KIAA1671: variants seen among roughly 807,000 people sequenced by gnomAD.
KIAA1671 encodes uncharacterized protein KIAA1671.
A neutral mutation model predicts 131.2 loss-of-function variants in KIAA1671; 52 were observed. The ratio of observed to expected loss-of-function variants is 0.40; its 90% CI spans 0.32 to 0.50. KIAA1671 has a LOEUF of 0.50. Ranked by LOEUF, KIAA1671 falls within the 20% of genes least tolerant of loss-of-function variation. The probability of loss-of-function intolerance (pLI) is 0.73; values close to 1 mark genes in which losing one functional copy is unlikely to be tolerated. For synonymous variants in KIAA1671, 1,003 were observed against 961.6 expected (o/e 1.04, Z -0.80); for missense variants, 2,360 against 2,364.2 (o/e 1.00, Z 0.04).
At chr22:25,122,739 C>A (rs548974815) in intron 6 of KIAA1671, among the ~76,000 whole-genome samples, 1 of 152,132 alleles carries the variant, frequency 6.6e-6, no homozygotes, top group Non-Finnish European at 1.5e-5. Flanking sequence ...CTTTGGGAGG[C>A]CGAGGCGGGC....
intron 6 of KIAA1671, among the ~76,000 whole-genome samples, chr22:25,066,894 A>ATG (rs1671792900): frequency 1.3e-5 from 2 of 152,076 alleles, no homozygotes; most frequent in South Asian, 2.1e-4. Context: ...AGCATCTAAG[A>ATG]TGTGTGTGTG....
At position 25,040,805 on chromosome 22, in the gene KIAA1671, C is replaced by T. The variant is rs1926877981; in HGVS notation, c.3675C>T (p.Pro1225=). The T allele has an allele frequency of 1.3e-6, 2 of 1,551,592 alleles. No individual in the cohort carries two copies. The highest frequency in any genetic ancestry group is 1.7e-6 in the Non-Finnish European group (2 of 1,147,014). Residue 1225 remains proline, a synonymous_variant, in exon 5 of 13, where the codon CCC becomes CCT. Coordinates refer to ENST00000358431, the MANE Select transcript of KIAA1671 (RefSeq NM_001145206.2). ...GGGAGGCTCAGGAGAGGAGGAGTCC[C>T]ACCGTGGAGCCCAGTACGTTGCCTC... ...VPGEAQERRS[P]TVEPSTLPRE... is the part of the protein sequence containing the mutation.
chr22:25,048,421 A>T (rs1927360362), intron 5 of KIAA1671, among the ~76,000 whole-genome samples: 1 of 152,180 alleles, frequency 6.6e-6, no homozygotes, highest in Non-Finnish European at 1.5e-5. Context: ...AAAAAGAGCC[A>T]GGGGGTTAGG....
chr22:24,972,650 T>TTCCC (rs1323606053), intron 1 of KIAA1671, among the ~76,000 whole-genome samples: 1 of 145,874 alleles, frequency 6.9e-6, no homozygotes, highest in African/African-American at 2.7e-5. Context: ...CCCTCCCTCC[T>TTCCC]TCCCTCCCTC....
rs140235293 is a variant in KIAA1671 at position 25,004,086 on chromosome 22, G to A, written c.-207-21547G>A. Among the ~76,000 whole-genome samples the A allele has an allele frequency of 7.6e-3, 1,151 of 152,080 alleles. 21 individuals carry two copies. The highest frequency in any genetic ancestry group is 0.026 in the African/African-American group (1,081 of 41,484). On this transcript the variant is annotated intron_variant, in intron 1 of 12. Transcript: ENST00000358431. Reference sequence around the variant, plus strand: ...CCTGCCTCAGCCTCCCAAAGTGCTGGGAATACAGGCGTGAGCCACTGTGCC... The same window carrying A: ...CCTGCCTCAGCCTCCCAAAGTGCTGAGAATACAGGCGTGAGCCACTGTGCC...
intron 1 of KIAA1671, among the ~76,000 whole-genome samples, chr22:24,965,400 A>T (rs1922244839): frequency 6.6e-6 from 1 of 151,268 alleles, no homozygotes; most frequent in Non-Finnish European, 1.5e-5. Context: ...GGGTGACAAG[A>T]ATGAAACTCC....
At chr22:25,015,209 C>T in intron 1 of KIAA1671, 1 of 138,896 alleles carries the variant, frequency 7.2e-6, no homozygotes, top group East Asian at 2.1e-4. Flanking sequence ...CTGGGACACA[C>T]AGCAAGACCT....
At position 24,960,582 on chromosome 22, in the gene KIAA1671, T is replaced by C. The variant is rs193162162; in HGVS notation, c.-208+7810T>C. 2.9e-4 allele frequency among the ~76,000 whole-genome samples: 44 copies of C among 149,990 alleles called. 1 individual carries two copies. Among genetic ancestry groups the C allele is most frequent in the Admixed American group, 2.8e-3 (42 of 15,002 alleles). On this transcript the variant is annotated intron_variant, in intron 1 of 12. Coordinates refer to ENST00000358431, the MANE Select transcript of KIAA1671 (RefSeq NM_001145206.2). Reference sequence around the variant, plus strand: ...AAAAAAAAGAAAAAACTGAATAATTTCCAGTGCATGAGGTGCTATGAGCTT... The same window carrying C: ...AAAAAAAAGAAAAAACTGAATAATTCCCAGTGCATGAGGTGCTATGAGCTT...
At chr22:25,065,560 A>G (rs1409813636) in intron 6 of KIAA1671, among the ~76,000 whole-genome samples, 1 of 152,184 alleles carries the variant, frequency 6.6e-6, no homozygotes, top group African/African-American at 2.4e-5. Flanking sequence ...TTTCCCCCCA[A>G]AAAAGAAAAA....
rs1934764189 is a variant in KIAA1671, at chr22:25,194,487, G to A, written c.*2086G>A. 6.6e-6 allele frequency: 1 copy of A among 152,124 alleles called. No individual in the cohort carries two copies. Among genetic ancestry groups the A allele is most frequent in the Non-Finnish European group, 1.5e-5 (1 of 68,032 alleles). The allele number at this position is 152,124 out of a possible 1,614,324, so 9.4% of individuals were successfully genotyped here. The stretch of plus-strand genomic sequence containing the variant: ...CATCTCAAGCAGTAGGAAAGGACCT[G>A]CTCTTACATATATTGATGGTCCTCA... On this transcript the variant is annotated 3_prime_UTR_variant, in exon 13 of 13. Coordinates refer to ENST00000358431, the MANE Select transcript of KIAA1671 (RefSeq NM_001145206.2).
At chr22:25,164,234 A>C (rs574765799) in intron 6 of KIAA1671, among the ~76,000 whole-genome samples, 1 of 152,318 alleles carries the variant, frequency 6.6e-6, no homozygotes, top group Non-Finnish European at 1.5e-5. Flanking sequence ...GGTGGCAGGA[A>C]GGAGCACTGG....
At chr22:24,998,040 A>T (rs965945700) in intron 1 of KIAA1671, among the ~76,000 whole-genome samples, 1 of 152,220 alleles carries the variant, frequency 6.6e-6, no homozygotes, top group Admixed American at 6.5e-5. Context: ...TTGTTGCAGT[A>T]CAAATATTCT....
chr22:25,185,042 C>T lies in KIAA1671; in HGVS notation c.5265C>T (p.Pro1755=). 1.3e-6 allele frequency: 2 copies of T among 1,551,654 alleles called. No homozygotes were observed. Among genetic ancestry groups the T allele is most frequent in the East Asian group, 4.9e-5 (2 of 40,914 alleles). ...AGACCCCCAGCTGGGCACCCCAACC[C>T]AAGAGCCCCAAGTCCCCCTTCCAGC... ...PGETPSWAPQ[P]KSPKSPFQPG... is the part of the protein sequence containing the mutation. The change falls in exon 11 of 13, where the codon CCC becomes CCT. Residue 1755 remains proline, a synonymous_variant. Coordinates refer to ENST00000358431, the MANE Select transcript of KIAA1671 (RefSeq NM_001145206.2).
rs555893004 is a variant in KIAA1671 at position 24,964,056 on chromosome 22, C to T, written c.-208+11284C>T. On this transcript the variant is annotated intron_variant, in intron 1 of 12. Coordinates refer to ENST00000358431, the MANE Select transcript of KIAA1671 (RefSeq NM_001145206.2). The stretch of plus-strand genomic sequence containing the variant: ...AGTAAAACAAAAATAGGGCTGGACA[C>T]GGTGGCTCACATCTGTAATCCCAGC... Among the ~76,000 whole-genome samples the T allele has an allele frequency of 9.2e-5, 14 of 152,064 alleles. No homozygotes were observed. The South Asian group carries it at 1.7e-3, about 18-fold the overall frequency.
rs2330986 is a variant in KIAA1671 at position 25,190,777 on chromosome 22, T to G, written c.5418T>G (p.Val1806=). Reference sequence around the variant, plus strand: ...GGCAAAGTCTTTATGAGAACCAAGTTTGACCAGGTATGAAGGGGCTCTGTT... The same window carrying G: ...GGCAAAGTCTTTATGAGAACCAAGTGTGACCAGGTATGAAGGGGCTCTGTT... ...KKRQSLYENQ[V] The change falls in exon 12 of 13, where the codon GTT becomes GTG. Residue 1806 remains valine (V), a synonymous_variant. Coordinates refer to ENST00000358431, the MANE Select transcript of KIAA1671 (RefSeq NM_001145206.2). The G allele has an allele frequency of 0.076, 117,410 of 1,549,316 alleles. 4,969 individuals carry two copies. The highest frequency in any genetic ancestry group is 0.086 in the Non-Finnish European group (98,364 of 1,144,704).
intron 6 of KIAA1671, among the ~76,000 whole-genome samples, chr22:25,129,507 G>GAAAAAAAAAAAAAAAAA (rs768667507): frequency 2.3e-5 from 3 of 130,884 alleles, no homozygotes; most frequent in African/African-American, 8.2e-5. Flanking sequence ...GACTCCATCT[G>GAAAAAAAAAAAAAAAAA]AAAAAAAAAA....
intron 1 of KIAA1671, among the ~76,000 whole-genome samples, chr22:25,015,577 A>AG (rs1390974285): frequency 6.6e-6 from 1 of 152,184 alleles, no homozygotes; most frequent in Non-Finnish European, 1.5e-5. Flanking sequence ...GCCTGGGGTG[A>AG]GGCAGTTTGG....
At chr22:24,986,146 G>T (rs1923519379) in intron 1 of KIAA1671, among the ~76,000 whole-genome samples, 1 of 152,200 alleles carries the variant, frequency 6.6e-6, no homozygotes, top group South Asian at 2.1e-4. Context: ...GTCAAGGCCA[G>T]TCTGGCGCTC....
chr22:25,188,319 G>A (rs536679451), intron 11 of KIAA1671, among the ~76,000 whole-genome samples: 58 of 109,844 alleles, frequency 5.3e-4, no homozygotes, highest in African/African-American at 2.0e-3. Flanking sequence ...CAAACAAACA[G>A]TTTAAACAAA....
Sources: allele counts gnomAD v4.1 joint callset (sites outside exome capture counted in the v4.1 genomes callset), GRCh38; gene constraint gnomAD v4.1.1; transcripts MANE v1.5; gene names NCBI Gene and HGNC (gene_info 2026-07-23, HGNC 2026-07-21).